EFCAB5: variants seen among roughly 807,000 people sequenced by gnomAD.
EFCAB5 encodes the protein EF-hand calcium binding domain 5, also known as EF-hand calcium-binding domain-containing protein 5.
EFCAB5 carries 131 observed loss-of-function variants against 167.9 expected under a neutral mutation model. The ratio of observed to expected loss-of-function variants is 0.78; its 90% CI spans 0.68 to 0.90. The LOEUF (loss-of-function observed/expected upper bound fraction) is 0.90, where lower values mean the gene tolerates loss of function less well. Ranked by LOEUF, EFCAB5 falls within the 40% of genes least tolerant of loss-of-function variation. EFCAB5 has a pLI of 0.00. For missense variants in EFCAB5, 1,663 were observed against 1,745.2 expected, an observed-to-expected ratio of 0.95 and a Z score of 0.84; for synonymous variants, 574 against 602.8, an observed-to-expected ratio of 0.95 and a Z score of 0.70.
intron 17 of EFCAB5, among the ~76,000 whole-genome samples, chr17:30,081,491 A>C (rs1159615297): frequency 6.6e-6 from 1 of 152,238 alleles, no homozygotes; most frequent in Non-Finnish European, 1.5e-5. Flanking sequence ...TTAGATCACA[A>C]AATGATAGGC....
intron 4 of EFCAB5, among the ~76,000 whole-genome samples, chr17:29,974,079 C>T (rs1160109162): frequency 6.6e-6 from 1 of 150,624 alleles, no homozygotes; most frequent in Non-Finnish European, 1.5e-5. Flanking sequence ...ATTGCTTGAA[C>T]CTGGAAGGCA....
At chr17:30,096,677 A>ATATTTTTTT (rs1193558323) in intron 22 of EFCAB5, among the ~76,000 whole-genome samples, 21 of 60,124 alleles carry the variant, frequency 3.5e-4, no homozygotes, top group African/African-American at 1.8e-3. Flanking sequence ...ATATATATAT[A>ATATTTTTTT]TTTTTTTTTT....
At position 30,090,540 on chromosome 17, in the gene EFCAB5, T is replaced by C. The variant is rs1429236341; in HGVS notation, c.3803T>C (p.Phe1268Ser). The C allele has an allele frequency of 1.2e-6, 2 of 1,614,012 alleles. No homozygotes were observed. Among genetic ancestry groups the C allele is most frequent in the East Asian group, 2.2e-5 (1 of 44,880 alleles). ...RTGEALGVLD[F>S]NIGQNRMLLC... ...GGAGAGGCTCTGGGAGTCCTCGATT[T>C]TAACATCGGCCAAAATAGGATGTTG... The change falls in exon 20 of 23, where the codon TTT (phenylalanine) becomes TCT (serine). Residue 1268 changes from phenylalanine to serine, a missense_variant. Transcript: ENST00000394835.
In EFCAB5 at chr17:30,108,344, G is replaced by A. The variant is rs1230432049; in HGVS notation, c.*320G>A. 1 of 177,788 alleles carries A rather than the reference G, an allele frequency of 5.6e-6. No individual in the cohort carries two copies. Among genetic ancestry groups the A allele is most frequent in the Non-Finnish European group, 1.2e-5 (1 of 85,402 alleles). 11.0% of individuals were successfully genotyped at this position (177,788 alleles called of 1,614,324 possible). On this transcript the variant is annotated 3_prime_UTR_variant, in exon 23 of 23. Coordinates refer to ENST00000394835, the MANE Select transcript of EFCAB5 (RefSeq NM_198529.4). ...GGGTAGTTATTTTTCATTCTTATAA[G>A]GTTCAAAGTAACAGCTGAGGATTTA...
intron 7 of EFCAB5, among the ~76,000 whole-genome samples, chr17:30,032,440 G>A (rs962305298): frequency 1.3e-5 from 2 of 152,122 alleles, no homozygotes; most frequent in African/African-American, 2.4e-5. Context: ...TTCAGCTAAA[G>A]GCACTTGAAA....
At chr17:30,102,565 T>A (rs2071395906) in intron 22 of EFCAB5, among the ~76,000 whole-genome samples, 1 of 152,108 alleles carries the variant, frequency 6.6e-6, no homozygotes, top group Non-Finnish European at 1.5e-5. Flanking sequence ...TTTCTTTTCT[T>A]CTTTCTTTTC....
chr17:30,024,854 G>T (rs1349917840), intron 7 of EFCAB5, among the ~76,000 whole-genome samples: 1 of 152,054 alleles, frequency 6.6e-6, no homozygotes, highest in African/African-American at 2.4e-5. Flanking sequence ...CAATGGAACA[G>T]AACAGAGCCC....
intron 7 of EFCAB5, among the ~76,000 whole-genome samples, chr17:30,016,489 TAAG>T (rs887209748): frequency 6.6e-6 from 1 of 152,094 alleles, no homozygotes; most frequent in Non-Finnish European, 1.5e-5. Flanking sequence ...AAGAAACAAA[TAAG>T]AATATAAAGA....
Position 30,080,987 on chromosome 17 carries a change from T to A in EFCAB5, c.3426+6T>A. 6.2e-7 allele frequency: 1 copy of A among 1,606,672 alleles called. No individual in the cohort carries two copies. The highest frequency in any genetic ancestry group is 8.5e-7 in the Non-Finnish European group (1 of 1,175,706). On this transcript the variant is annotated splice_donor_region_variant and intron_variant, in intron 17 of 22. Coordinates refer to ENST00000394835, the MANE Select transcript of EFCAB5 (RefSeq NM_198529.4). ...ATGAGATCAGATTCTATCAGGTAAG[T>A]CATAGAAGTCTTCAAGAGCGATGGT...
intron 12 of EFCAB5, among the ~76,000 whole-genome samples, chr17:30,056,491 C>G (rs1484931983): frequency 1.3e-5 from 2 of 152,136 alleles, no homozygotes; most frequent in Admixed American, 1.3e-4. Context: ...GATACTAAAA[C>G]TCAATAGAAA....
intron 9 of EFCAB5, among the ~76,000 whole-genome samples, chr17:30,051,920 C>A (rs982127097): frequency 3.9e-5 from 6 of 151,920 alleles, no homozygotes; most frequent in South Asian, 2.1e-4. Flanking sequence ...GTAAAATATC[C>A]TTTTTATGTT....
At chr17:30,096,930 A>G (rs925384102) in intron 22 of EFCAB5, among the ~76,000 whole-genome samples, 65 of 148,792 alleles carry the variant, frequency 4.4e-4, no homozygotes, top group African/African-American at 1.5e-3. Context: ...TCCACCTGCC[A>G]TGGCTCCCAA....
intron 14 of EFCAB5, chr17:30,073,251 C>T: frequency 4.7e-6 from 3 of 640,866 alleles, no homozygotes; most frequent in Non-Finnish European, 8.5e-6. Flanking sequence ...TGGATGGGGT[C>T]TCTCTGTGTT....
chr17:30,080,288 T>C (rs751308024), intron 16 of EFCAB5, 47 bp downstream of exon 16: 4 of 1,483,142 alleles, frequency 2.7e-6, no homozygotes, highest in Non-Finnish European at 8.9e-7. Flanking sequence ...AAAAAAATAA[T>C]TCCCTTTCTG....
At chr17:30,010,839 GT>G (rs2068881025) in intron 7 of EFCAB5, among the ~76,000 whole-genome samples, 1 of 152,154 alleles carries the variant, frequency 6.6e-6, no homozygotes, top group Non-Finnish European at 1.5e-5. Flanking sequence ...TTTGGCTTTT[GT>G]TGCCATTGCT....
At chr17:29,944,970 C>T (rs529908515) in intron 3 of EFCAB5, among the ~76,000 whole-genome samples, 3 of 152,034 alleles carry the variant, frequency 2.0e-5, no homozygotes, top group Non-Finnish European at 2.9e-5. Flanking sequence ...ATATTTATTC[C>T]GTTTGATCCA....
chr17:30,001,357 C>T (rs967114224), intron 7 of EFCAB5, among the ~76,000 whole-genome samples: 1 of 152,220 alleles, frequency 6.6e-6, no homozygotes, highest in Non-Finnish European at 1.5e-5. Flanking sequence ...AAAGCTTTAT[C>T]TCTTTAATAC....
At chr17:30,035,594 C>T (rs886855135) in intron 8 of EFCAB5, among the ~76,000 whole-genome samples, 3 of 152,158 alleles carry the variant, frequency 2.0e-5, no homozygotes, top group African/African-American at 7.2e-5. Context: ...CAGTTAGAGC[C>T]AGTTACTTAT....
chr17:30,058,597 GATAA>G (rs1345880539), intron 13 of EFCAB5, among the ~76,000 whole-genome samples: 2 of 151,930 alleles, frequency 1.3e-5, no homozygotes, highest in African/African-American at 4.8e-5. Context: ...AACTCTAAAA[GATAA>G]ATAAAATTAA....
Sources: allele counts gnomAD v4.1 joint callset (sites outside exome capture counted in the v4.1 genomes callset), GRCh38; gene constraint gnomAD v4.1.1; transcripts MANE v1.5; gene names NCBI Gene and HGNC (gene_info 2026-07-23, HGNC 2026-07-21).